Variants in MAN2A1 observed in about 807,000 individuals in gnomAD.
MAN2A1 encodes mannosidase alpha class 2A member 1.
A neutral mutation model predicts 142.6 loss-of-function variants in MAN2A1; 76 were observed. That is an observed-to-expected ratio of 0.53 (90% confidence interval 0.44 to 0.65). The LOEUF (loss-of-function observed/expected upper bound fraction) is 0.65. MAN2A1 is among the 30% of genes least tolerant of loss of function. The probability of loss-of-function intolerance (pLI) is 0.00; values close to 1 mark genes in which losing one functional copy is unlikely to be tolerated. For synonymous variants in MAN2A1, 559 were observed against 473.2 expected (o/e 1.18, Z -2.35); for missense variants, 1,311 against 1,365.1 (o/e 0.96, Z 0.62).
At chr5:109,770,853 T>A (rs527458980) in intron 7 of MAN2A1, among the ~76,000 whole-genome samples, 2 of 152,346 alleles carry the variant, frequency 1.3e-5, no homozygotes, top group African/African-American at 4.8e-5. Flanking sequence ...CATATACTTT[T>A]GTTGAATAAA....
At chr5:109,713,474 T>G in intron 1 of MAN2A1, 46 bp from the exon 2 acceptor site, 4 of 1,502,374 alleles carry the variant, frequency 2.7e-6, no homozygotes, top group Non-Finnish European at 3.6e-6. Context: ...CCTCAGCAGA[T>G]CTATATTAGT....
intron 16 of MAN2A1, among the ~76,000 whole-genome samples, chr5:109,827,300 G>C (rs1220576046): frequency 6.6e-6 from 1 of 152,192 alleles, no homozygotes; most frequent in Non-Finnish European, 1.5e-5. Flanking sequence ...GATTGTCTTT[G>C]TTGGGTGTCT....
intron 1 of MAN2A1, among the ~76,000 whole-genome samples, chr5:109,694,412 C>CT (rs1750754980): frequency 6.6e-6 from 1 of 151,648 alleles, no homozygotes. Context: ...GGAATCACAG[C>CT]TTACTGCAGT....
At chr5:109,762,840 C>G (rs1752889132) in intron 5 of MAN2A1, among the ~76,000 whole-genome samples, 1 of 152,126 alleles carries the variant, frequency 6.6e-6, no homozygotes, top group African/African-American at 2.4e-5. Flanking sequence ...ACAATGTGAA[C>G]AAATGCAGCT....
chr5:109,738,744 T>G (rs1055006072), intron 4 of MAN2A1, among the ~76,000 whole-genome samples: 1 of 152,210 alleles, frequency 6.6e-6, no homozygotes, highest in Non-Finnish European at 1.5e-5. Flanking sequence ...CCAATAAACA[T>G]TAGTGCTTTT....
rs1264980823 is a variant in MAN2A1 at position 109,851,689 on chromosome 5, C to T, written c.2977-3451C>T. On this transcript the variant is annotated intron_variant, in intron 19 of 21. Transcript: ENST00000261483. ...ATGGCAGCAGAAAATGGACTAAAAACAGGCATTGACGGCTTTAGGATTTGT... is the reference window on the plus strand; with the variant it reads ...ATGGCAGCAGAAAATGGACTAAAAATAGGCATTGACGGCTTTAGGATTTGT... Among the ~76,000 whole-genome samples, 5 of 152,142 alleles carry T rather than the reference C, an allele frequency of 3.3e-5. No individual in the cohort carries two copies. In the South Asian group the frequency reaches 6.2e-4, roughly 19 times the overall value.
At chr5:109,772,449 C>T (rs78529573) in intron 7 of MAN2A1, among the ~76,000 whole-genome samples, 8,493 of 152,274 alleles carry the variant, frequency 0.056, 245 homozygotes, top group Non-Finnish European at 0.064. Context: ...ATATCACCTT[C>T]GTTTTGACCT....
At chr5:109,783,119 A>C (rs1753505152) in intron 9 of MAN2A1, among the ~76,000 whole-genome samples, 1 of 152,152 alleles carries the variant, frequency 6.6e-6, no homozygotes, top group Non-Finnish European at 1.5e-5. Flanking sequence ...CCACTGAATT[A>C]GTGATTTTTA....
chr5:109,730,083 ATAAT>A (rs1160462902), intron 4 of MAN2A1, among the ~76,000 whole-genome samples: 5 of 152,162 alleles, frequency 3.3e-5, no homozygotes, highest in African/African-American at 9.7e-5. Context: ...TTTTAAGTAT[ATAAT>A]TAAAGTGACA....
Position 109,817,385 on chromosome 5 carries a change from C to G in MAN2A1, c.2056C>G (p.Gln686Glu). The change falls in exon 13 of 22, where the codon CAA (glutamine) becomes GAA (glutamate). Residue 686 changes from glutamine (Q) to glutamate (E), a missense_variant. Around this residue, in one of 3 missense-constraint regions of MAN2A1, gnomAD observed 890 missense variants for 920.5 expected, o/e 0.97. Transcript: ENST00000261483. ...TGCTTCAGGAAAACCTGTGGAAGTTCAAGTCAGCGCAGTTTGGGATACAGC... is the reference window on the plus strand; with the variant it reads ...TGCTTCAGGAAAACCTGTGGAAGTTGAAGTCAGCGCAGTTTGGGATACAGC... Reference protein sequence around the residue: ...FSASGKPVEVQVSAVWDTANT... With the variant: ...FSASGKPVEVEVSAVWDTANT... 6.2e-7 allele frequency: 1 copy of G among 1,614,040 alleles called. No individual in the cohort carries two copies.
chr5:109,807,194 G>A (rs1174821428), intron 12 of MAN2A1, among the ~76,000 whole-genome samples: 1 of 152,086 alleles, frequency 6.6e-6, no homozygotes, highest in Non-Finnish European at 1.5e-5. Context: ...CCAGTTCCAA[G>A]GACCCCAAGC....
At chr5:109,713,999 G>A (rs1315335994) in intron 2 of MAN2A1, among the ~76,000 whole-genome samples, 1 of 151,822 alleles carries the variant, frequency 6.6e-6, no homozygotes, top group South Asian at 2.1e-4. Flanking sequence ...TTATACTTAC[G>A]TGAATACAGT....
intron 12 of MAN2A1, among the ~76,000 whole-genome samples, chr5:109,799,711 AC>A (rs537924198): frequency 4.8e-4 from 72 of 151,336 alleles, no homozygotes; most frequent in Middle Eastern, 3.4e-3. Flanking sequence ...CCGAGGTTGC[AC>A]CATGGCACTC....
chr5:109,698,993 T>G (rs569795334), intron 1 of MAN2A1, among the ~76,000 whole-genome samples: 1 of 152,320 alleles, frequency 6.6e-6, no homozygotes, highest in South Asian at 2.1e-4. Context: ...TTTGAGCTAT[T>G]GTTTCCCTTT....
At chr5:109,710,617 G>A (rs1350698225) in intron 1 of MAN2A1, among the ~76,000 whole-genome samples, 2 of 151,830 alleles carry the variant, frequency 1.3e-5, no homozygotes, top group Non-Finnish European at 2.9e-5. Flanking sequence ...CAATTCTTCT[G>A]CGTCAGCCTT....
chr5:109,706,297 A>G (rs1020632637), intron 1 of MAN2A1, among the ~76,000 whole-genome samples: 1 of 152,214 alleles, frequency 6.6e-6, no homozygotes, highest in Non-Finnish European at 1.5e-5. Flanking sequence ...CTTAATTATG[A>G]CACATACTAT....
At chr5:109,788,674 A>T (rs1753660293) in intron 10 of MAN2A1, among the ~76,000 whole-genome samples, 1 of 151,840 alleles carries the variant, frequency 6.6e-6, no homozygotes, top group African/African-American at 2.4e-5. Flanking sequence ...ATTCATAGAA[A>T]GTATACATAG....
rs11241031 is a variant in MAN2A1 at position 109,710,318 on chromosome 5, A to G, written c.136-3202A>G. 5.3e-4 allele frequency among the ~76,000 whole-genome samples: 80 copies of G among 152,308 alleles called. 2 individuals are homozygous for G. The East Asian group carries it at 0.014, about 26-fold the overall frequency. On this transcript the variant is annotated intron_variant, in intron 1 of 21. Transcript: ENST00000261483. ...ATCCATGGATTATGGGACCAAAGCC[A>G]TAATAAAAATATTCCCAGGAAGGGT...
intron 12 of MAN2A1, among the ~76,000 whole-genome samples, chr5:109,805,078 A>T (rs1282903037): frequency 6.6e-6 from 1 of 152,140 alleles, no homozygotes; most frequent in Non-Finnish European, 1.5e-5. Context: ...TACAGATGTG[A>T]TTTCTGAATT....
Sources: allele counts gnomAD v4.1 joint callset (sites outside exome capture counted in the v4.1 genomes callset), GRCh38; gene constraint gnomAD v4.1.1; regional missense constraint gnomAD v4.1.1; transcripts MANE v1.5; gene names NCBI Gene and HGNC (gene_info 2026-07-23, HGNC 2026-07-21).